Variants in PES1 observed in about 807,000 individuals in gnomAD.
PES1 encodes the protein pescadillo homolog.
PES1 carries 31 observed loss-of-function variants against 77.1 expected under a neutral mutation model. That is an observed-to-expected ratio of 0.40 (90% CI 0.30 to 0.54). The LOEUF (loss-of-function observed/expected upper bound fraction) is 0.54, where lower values mean the gene tolerates loss of function less well. PES1 is among the 20% of genes least tolerant of loss of function. PES1 has a pLI of 0.45. For synonymous variants in PES1, 282 were observed against 303.0 expected, an observed-to-expected ratio of 0.93 and a Z score of 0.72; for missense variants, 658 against 771.7, an observed-to-expected ratio of 0.85 and a Z score of 1.75.
At chr22:30,578,535 C>T (rs930639838) in intron 14 of PES1, among the ~76,000 whole-genome samples, 9 of 152,210 alleles carry the variant, frequency 5.9e-5, no homozygotes, top group African/African-American at 7.2e-5. Flanking sequence ...CCGCCACCCC[C>T]GCCCCCAGTC....
intron 2 of PES1, among the ~76,000 whole-genome samples, chr22:30,605,024 CCTT>C (rs2087416120): frequency 1.3e-5 from 2 of 152,118 alleles, no homozygotes; most frequent in Non-Finnish European, 2.9e-5. Context: ...GACAGGGTCT[CCTT>C]CTGTCGCCCA....
At position 30,578,833 on chromosome 22, in the gene PES1, T is replaced by C. The variant is rs1170828822; in HGVS notation, c.1683+4A>G. On this transcript the variant is annotated splice_donor_region_variant and intron_variant, in intron 14 of 14. Transcript: ENST00000354694. ...TGGATCTCAAGTGGGTGGCAAGAAC[T>C]CACCTCTCGGATTTTTCGCCTCTTG... The C allele has an allele frequency of 1.2e-6, 2 of 1,612,046 alleles. No homozygotes were observed. Among genetic ancestry groups the C allele is most frequent in the Non-Finnish European group, 1.7e-6 (2 of 1,179,980 alleles).
chr22:30,603,908 G>C (rs981298568), intron 2 of PES1: 1 of 152,144 alleles, frequency 6.6e-6, no homozygotes, highest in African/African-American at 2.4e-5. Flanking sequence ...AAACCACCCA[G>C]CAGAGGAACT....
chr22:30,578,790 G>T (rs1176594889), intron 14 of PES1, 47 bp downstream of exon 14: 1 of 1,599,972 alleles, frequency 6.3e-7, no homozygotes, highest in South Asian at 1.1e-5. Flanking sequence ...CTGTGCAGTT[G>T]GGTCTGGTGG....
In PES1 at chr22:30,584,391, T is replaced by C; in HGVS notation, c.604A>G (p.Ile202Val). The C allele has an allele frequency of 6.2e-7, 1 of 1,611,904 alleles. No homozygotes were observed. Among genetic ancestry groups the C allele is most frequent in the Non-Finnish European group, 8.5e-7 (1 of 1,178,924 alleles). The change falls in exon 6 of 15, where the codon ATC becomes GTC. Residue 202 changes from isoleucine to valine, a missense_variant. Transcript: ENST00000354694. The part of the protein sequence containing the change: ...AEVLGQPIVW[I>V]TPYAFSHDHP... Reference sequence around the variant, plus strand: ...TCATGGGAGAAGGCATAGGGAGTGATCCACACGATGGGCTGCCCCAGTACC... The same window carrying C: ...TCATGGGAGAAGGCATAGGGAGTGACCCACACGATGGGCTGCCCCAGTACC...
Position 30,579,207 on chromosome 22 carries a change from G to A in PES1, c.1451C>T (p.Ala484Val). The change falls in exon 13 of 15, where the codon GCA becomes GTA. Residue 484 changes from alanine to valine, a missense_variant. Ala to Val is a moderately conservative substitution (Grantham distance 64). Transcript: ENST00000354694. The part of the protein sequence containing the change: ...EGENEEEEED[A>V]EAGSEKEEEA... ...TTCCTCCTTTTCTGAACCAGCCTCT[G>A]CATCTTCCTCCTCCTCCTCATTTTC... 6.2e-7 allele frequency: 1 copy of A among 1,606,884 alleles called. No homozygotes were observed. The highest frequency in any genetic ancestry group is 1.1e-5 in the South Asian group (1 of 90,892).
In PES1 at chr22:30,579,847, G is replaced by A. The variant is rs578171068; in HGVS notation, c.1258C>T (p.Pro420Ser). 2.9e-4 allele frequency: 467 copies of A among 1,614,052 alleles called. 5 individuals are homozygous for A. The South Asian group carries it at 4.9e-3, about 17-fold the overall frequency. The change falls in exon 12 of 15, where the codon CCC becomes TCC. Residue 420 changes from proline to serine, a missense_variant. Pro to Ser is a moderately conservative substitution (Grantham distance 74). Transcript: ENST00000354694. ...GTCACAAAGGGTGAAAGGTGTGGGG[G>A]CAGCTGCACCCCAGAGAAGTACTCT... ...VAEYFSGVQL[P>S]PHLSPFVTEK...
rs1355932324 is a variant in PES1 at position 30,591,670 on chromosome 22, C to T, written c.24+140G>A. 4.1e-5 allele frequency: 36 copies of T among 873,256 alleles called. No individual in the cohort carries two copies. The Admixed American group carries it at 1.1e-3, about 26-fold the overall frequency. 54.1% of individuals were successfully genotyped at this position (873,256 alleles called of 1,614,324 possible). ...CTGCCATCCTTGTCCATTCTCGGAC[C>T]CCTTCTCGCAGCTGATTACGGTCAC... On this transcript the variant is annotated intron_variant, in intron 1 of 14. Coordinates refer to ENST00000354694, the MANE Select transcript of PES1 (RefSeq NM_014303.4).
At chr22:30,597,024 G>A (rs1444358106) in intron 2 of PES1, among the ~76,000 whole-genome samples, 1 of 152,218 alleles carries the variant, frequency 6.6e-6, no homozygotes, top group African/African-American at 2.4e-5. Context: ...GCTGCGGAGA[G>A]TGCGCCAGGT....
rs147465498 is a variant in PES1, at chr22:30,579,821, G to A, written c.1284C>T (p.Thr428=). The change falls in exon 12 of 15, where the codon ACC becomes ACT. Residue 428 remains threonine (T), a synonymous_variant. Coordinates refer to ENST00000354694, the MANE Select transcript of PES1 (RefSeq NM_014303.4). ...GTGGAACGTAATCTCCTTCCTTCTC[G>A]GTCACAAAGGGTGAAAGGTGTGGGG... ...QLPPHLSPFV[T]EKEGDYVPPE... 3.0e-5 allele frequency: 48 copies of A among 1,614,042 alleles called. No homozygotes were observed. The highest frequency in any genetic ancestry group is 2.7e-4 in the South Asian group (25 of 91,068).
At chr22:30,587,526 G>A in intron 3 of PES1, 131 bp from the exon 4 acceptor site, 1 of 667,030 alleles carries the variant, frequency 1.5e-6, no homozygotes, top group South Asian at 1.9e-5. Context: ...ATGTGCCTGT[G>A]TCACTGACCC....
At position 30,581,641 on chromosome 22, in the gene PES1, G is replaced by A. The variant is rs760645306; in HGVS notation, c.634C>T (p.Pro212Ser). 1 of 1,608,764 alleles carries A rather than the reference G, an allele frequency of 6.2e-7. No homozygotes were observed. The part of the protein sequence containing the change: ...ITPYAFSHDH[P>S]TDVDYRVMAT... ...ATGACCCTGTAGTCCACGTCTGTCG[G>A]GTGCTGGGGAACACAAGAGATGCAT... The change falls in exon 7 of 15, where the codon CCG (proline) becomes TCG (serine). Residue 212 changes from proline to serine, a missense_variant. By Grantham distance (74) the Pro-to-Ser change is moderately conservative. Transcript: ENST00000354694.
chr22:30,587,323 T>C lies in PES1; in HGVS notation c.331A>G (p.Lys111Glu). The C allele has an allele frequency of 6.2e-7, 1 of 1,613,718 alleles. No homozygotes were observed. The highest frequency in any genetic ancestry group is 8.5e-7 in the Non-Finnish European group (1 of 1,179,820). ...WNTVERLKDNKPNYKLDHIIK... is the reference protein window; with the variant it reads ...WNTVERLKDNEPNYKLDHIIK... ...ATGTGGTCGAGTTTGTAGTTGGGCTTATTGTCCTTTAAACGCTCTACAGTG... is the reference window on the plus strand; with the variant it reads ...ATGTGGTCGAGTTTGTAGTTGGGCTCATTGTCCTTTAAACGCTCTACAGTG... Residue 111 changes from lysine (K) to glutamate (E), a missense_variant, in exon 4 of 15, where the codon AAG becomes GAG. Physicochemically the swap from Lys to Glu is moderately conservative, Grantham distance 56. Coordinates refer to ENST00000354694, the MANE Select transcript of PES1 (RefSeq NM_014303.4).
In PES1 at chr22:30,601,462, A is replaced by G. The variant is rs371150858; in HGVS notation, c.-661+3999T>C. On this transcript the variant is annotated intron_variant, in intron 2 of 16. Coordinates refer to the PES1 transcript ENST00000402281. ...CGAGTAGCTGGGATTGCAGGTGTGA[A>G]CCACCATGTTTGGCTCATTTTTGTA... is the stretch of plus-strand genomic sequence containing the variant. Among the ~76,000 whole-genome samples, 25 of 152,006 alleles carry G rather than the reference A, an allele frequency of 1.6e-4. No homozygotes were observed. In the East Asian group the frequency reaches 3.3e-3, roughly 20 times the overall value.
At chr22:30,592,317 A>C, upstream of PES1, 1 of 991,074 alleles carries the variant, frequency 1.0e-6, no homozygotes, top group Non-Finnish European at 1.2e-6. Flanking sequence ...GCTGCTGAGA[A>C]GCGGTTCCCG....
chr22:30,594,455 G>T (rs189837195), upstream of PES1, among the ~76,000 whole-genome samples: 2 of 152,194 alleles, frequency 1.3e-5, no homozygotes, highest in African/African-American at 2.4e-5. Context: ...GGGAGGCAGA[G>T]GTTGCAATGA....
rs751145692 is a variant in PES1, at chr22:30,580,676, C to T, written c.938G>A (p.Arg313His). 9.9e-6 allele frequency: 16 copies of T among 1,613,280 alleles called. No individual in the cohort carries two copies. The highest frequency in any genetic ancestry group is 8.0e-5 in the African/African-American group (6 of 74,940). The change falls in exon 10 of 15, where the codon CGC (arginine) becomes CAC (histidine). Residue 313 changes from arginine to histidine, a missense_variant. Physicochemically the swap from Arg to His is conservative, Grantham distance 29 (BLOSUM62 0). Coordinates refer to ENST00000354694, the MANE Select transcript of PES1 (RefSeq NM_014303.4). ...DGEMSAQEED[R>H]RKELEAQEKH... Reference sequence around the variant, plus strand: ...CTCCTGCGCCTCCAGCTCCTTCCTGCGGTCTTCCTCCTGCGCTGACATCTC... The same window carrying T: ...CTCCTGCGCCTCCAGCTCCTTCCTGTGGTCTTCCTCCTGCGCTGACATCTC...
At chr22:30,587,197 G>A (rs545482928) in intron 4 of PES1, 89 bp downstream of exon 4, 6 of 946,748 alleles carry the variant, frequency 6.3e-6, no homozygotes, top group South Asian at 5.6e-5. Context: ...GCAGGGTCTT[G>A]GTCTTATTCC....
chr22:30,584,764 C>A (rs779016103), intron 4 of PES1, 47 bp from the exon 5 acceptor site: 2 of 1,590,632 alleles, frequency 1.3e-6, no homozygotes, highest in African/African-American at 1.3e-5. Context: ...AGCGTGGGTG[C>A]CAAGGGGGAC....
Sources: allele counts gnomAD v4.1 joint callset (sites outside exome capture counted in the v4.1 genomes callset), GRCh38; gene constraint gnomAD v4.1.1; transcripts MANE v1.5; gene names NCBI Gene and HGNC (gene_info 2026-07-23, HGNC 2026-07-21).